CATSPERB: variants seen among roughly 807,000 people sequenced by gnomAD.
CATSPERB encodes the protein cation channel sperm-associated auxiliary subunit beta.
In CATSPERB, 93 loss-of-function variants were observed where a neutral mutation model predicts 128.3. The observed-to-expected ratio is 0.72, with a 90% CI of 0.61 to 0.86. CATSPERB has a LOEUF of 0.86. Ranked by LOEUF, CATSPERB falls within the 40% of genes least tolerant of loss-of-function variation. The pLI is 0.00. For synonymous variants in CATSPERB, 381 were observed against 448.8 expected (o/e 0.85, Z 1.91); for missense variants, 1,153 against 1,329.5 (o/e 0.87, Z 2.06).
chr14:91,602,549 G>A (rs1893623196), intron 22 of CATSPERB, among the ~76,000 whole-genome samples: 1 of 151,970 alleles, frequency 6.6e-6, no homozygotes, highest in Non-Finnish European at 1.5e-5. Flanking sequence ...TGGCAGAAGG[G>A]TTTAGAAGGA....
chr14:91,595,765 T>C (rs1029454387), intron 22 of CATSPERB, among the ~76,000 whole-genome samples: 2 of 152,336 alleles, frequency 1.3e-5, no homozygotes, highest in Admixed American at 1.3e-4. Flanking sequence ...CCTCCAATTG[T>C]GTCCTATTGC....
At chr14:91,682,497 G>T (rs970443602) in intron 11 of CATSPERB, among the ~76,000 whole-genome samples, 3 of 152,114 alleles carry the variant, frequency 2.0e-5, no homozygotes, top group Admixed American at 6.6e-5. Context: ...CTATATGGCT[G>T]GGGTAGCAAA....
chr14:91,674,731 A>G (rs1595174584), intron 11 of CATSPERB, among the ~76,000 whole-genome samples: 1 of 152,200 alleles, frequency 6.6e-6, no homozygotes, highest in East Asian at 1.9e-4. Context: ...TTTTGAAACA[A>G]ATCAGACATG....
chr14:91,596,887 TA>T, intron 22 of CATSPERB, among the ~76,000 whole-genome samples: 1 of 151,822 alleles, frequency 6.6e-6, no homozygotes, highest in African/African-American at 2.4e-5. Flanking sequence ...GAAAAAGACA[TA>T]ATTTTTTTTT....
chr14:91,727,846 C>T (rs1896143425), intron 2 of CATSPERB, among the ~76,000 whole-genome samples: 1 of 152,182 alleles, frequency 6.6e-6, no homozygotes, highest in Non-Finnish European at 1.5e-5. Context: ...ATACCTTGTG[C>T]CACATATATT....
At chr14:91,644,145 G>C (rs1157141214) in intron 15 of CATSPERB, among the ~76,000 whole-genome samples, 1 of 133,404 alleles carries the variant, frequency 7.5e-6, no homozygotes, top group Non-Finnish European at 1.6e-5. Context: ...GCACACTGAT[G>C]GGTCTTGACT....
intron 4 of CATSPERB, among the ~76,000 whole-genome samples, chr14:91,720,690 A>G (rs1365912972): frequency 2.0e-5 from 3 of 152,174 alleles, no homozygotes; most frequent in African/African-American, 7.2e-5. Flanking sequence ...TACAGTCCTT[A>G]TCAGAATCCC....
intron 3 of CATSPERB, among the ~76,000 whole-genome samples, chr14:91,723,967 G>A (rs1307482404): frequency 1.3e-5 from 2 of 152,178 alleles, no homozygotes; most frequent in Non-Finnish European, 2.9e-5. Context: ...AAGGGAGGTT[G>A]AGAGTGCAGG....
chr14:91,648,269 A>G (rs953597902), intron 15 of CATSPERB, among the ~76,000 whole-genome samples: 2 of 152,194 alleles, frequency 1.3e-5, no homozygotes, highest in Non-Finnish European at 2.9e-5. Flanking sequence ...TACAAATATG[A>G]TTATGTTAAT....
At chr14:91,587,095 C>T in intron 26 of CATSPERB, 107 bp downstream of exon 26, 1 of 788,274 alleles carries the variant, frequency 1.3e-6, no homozygotes, top group Non-Finnish European at 2.0e-6. Flanking sequence ...AAGCCTTGTC[C>T]ATCACACAAA....
At chr14:91,649,415 G>A (rs1002186458) in intron 15 of CATSPERB, among the ~76,000 whole-genome samples, 2 of 151,496 alleles carry the variant, frequency 1.3e-5, no homozygotes, top group Non-Finnish European at 1.5e-5. Context: ...TGATGCTCCC[G>A]CCTTGGCCTC....
At chr14:91,689,088 A>G (rs1257322760) in intron 10 of CATSPERB, among the ~76,000 whole-genome samples, 1 of 152,188 alleles carries the variant, frequency 6.6e-6, no homozygotes, top group Non-Finnish European at 1.5e-5. Context: ...CCACCTTGGA[A>G]ACAGAAGGGG....
intron 20 of CATSPERB, 39 bp from the exon 21 acceptor site, chr14:91,610,716 C>A (rs1231475608): frequency 6.3e-7 from 1 of 1,578,338 alleles, no homozygotes; most frequent in Non-Finnish European, 8.7e-7. Context: ...TTTAAAGTAA[C>A]TGTTATGGAC....
chr14:91,686,919 C>G (rs1296054471), intron 10 of CATSPERB, among the ~76,000 whole-genome samples: 4 of 151,824 alleles, frequency 2.6e-5, no homozygotes, highest in Non-Finnish European at 5.9e-5. Context: ...ATACTTGTAG[C>G]TGGAAAAAAG....
At chr14:91,584,948 T>G (rs1437583196) in intron 26 of CATSPERB, among the ~76,000 whole-genome samples, 1 of 152,220 alleles carries the variant, frequency 6.6e-6, no homozygotes, top group East Asian at 1.9e-4. Flanking sequence ...TAAACTTACG[T>G]CTTCACCAAA....
chr14:91,585,437 G>A (rs1893281772), intron 26 of CATSPERB, among the ~76,000 whole-genome samples: 1 of 152,064 alleles, frequency 6.6e-6, no homozygotes, highest in African/African-American at 2.4e-5. Context: ...CCACTGACTT[G>A]CTTTCAAGTT....
At chr14:91,628,459 G>A (rs891693984) in intron 17 of CATSPERB, among the ~76,000 whole-genome samples, 1 of 152,122 alleles carries the variant, frequency 6.6e-6, no homozygotes, top group African/African-American at 2.4e-5. Context: ...TTGGCTCAAT[G>A]TCCCCACCCA....
chr14:91,614,685 A>G (rs1893902444), intron 20 of CATSPERB, among the ~76,000 whole-genome samples: 1 of 152,138 alleles, frequency 6.6e-6, no homozygotes, highest in South Asian at 2.1e-4. Flanking sequence ...AGTCCCAGCT[A>G]CTAGGGAGAC....
chr14:91,668,060 T>G (rs1455509659), intron 14 of CATSPERB, among the ~76,000 whole-genome samples: 1 of 152,104 alleles, frequency 6.6e-6, no homozygotes, highest in Non-Finnish European at 1.5e-5. Flanking sequence ...AGAGTTCCCC[T>G]CTGGAGGACA....
Sources: allele counts gnomAD v4.1 joint callset (sites outside exome capture counted in the v4.1 genomes callset), GRCh38; gene constraint gnomAD v4.1.1; transcripts MANE v1.5; gene names NCBI Gene and HGNC (gene_info 2026-07-23, HGNC 2026-07-21).